DNAJC7: variants seen among roughly 807,000 people sequenced by gnomAD.
DNAJC7 encodes DnaJ heat shock protein family (Hsp40) member C7, also known as dnaJ homolog subfamily C member 7.
In DNAJC7, 18 loss-of-function variants were observed where a neutral mutation model predicts 67.4. The ratio of observed to expected loss-of-function variants is 0.27; its 90% CI spans 0.18 to 0.40. The LOEUF (loss-of-function observed/expected upper bound fraction) is 0.40. Among genes scored for constraint, DNAJC7 ranks in the 10% least tolerant of loss-of-function variants. The probability of loss-of-function intolerance (pLI) is 1.00; values close to 1 mark genes in which losing one functional copy is unlikely to be tolerated. For synonymous variants in DNAJC7, 220 were observed against 207.8 expected, an observed-to-expected ratio of 1.06 and a Z score of -0.50; for missense variants, 419 against 613.8, an observed-to-expected ratio of 0.68 and a Z score of 3.35.
chr17:42,000,530 C>A lies in DNAJC7; in HGVS notation c.118G>T (p.Ala40Ser). The change falls in exon 2 of 14, where the codon GCC becomes TCC. Residue 40 changes from alanine to serine, a missense_variant. Around this residue, in one of 4 missense-constraint regions of DNAJC7, gnomAD observed 63 missense variants for 54.0 expected, o/e 1.17. Transcript: ENST00000457167. ...TFKEQGNAYYAKKDYNEAYNY... is the reference protein window; with the variant it reads ...TFKEQGNAYYSKKDYNEAYNY... ...TAAGCTTCATTGTAATCTTTCTTGG[C>A]ATAGTATGCATTTCCTTGTTCCTTG... 8 of 1,612,210 alleles carry A rather than the reference C, an allele frequency of 5.0e-6. No homozygotes were observed. The highest frequency in any genetic ancestry group is 6.8e-6 in the Non-Finnish European group (8 of 1,179,106).
At chr17:41,981,746 C>G in intron 12 of DNAJC7, 109 bp downstream of exon 12, 1 of 1,445,128 alleles carries the variant, frequency 6.9e-7, no homozygotes, top group Non-Finnish European at 9.4e-7. Flanking sequence ...ACTGTTTGGA[C>G]CAGGGATCAG....
chr17:41,976,930 G>A (rs1598109714), intron 13 of DNAJC7, 160 bp from the exon 14 acceptor site: 1 of 827,444 alleles, frequency 1.2e-6, no homozygotes, highest in Non-Finnish European at 1.9e-6. Flanking sequence ...GTGCAAGAGG[G>A]AGCACGTGAC....
At chr17:41,978,423 C>T (rs984837358) in intron 12 of DNAJC7, among the ~76,000 whole-genome samples, 20 of 152,236 alleles carry the variant, frequency 1.3e-4, no homozygotes, top group African/African-American at 4.8e-4. Context: ...CACTAACTAA[C>T]TCCCTGACTG....
chr17:41,978,255 A>C (rs560192629), intron 12 of DNAJC7, among the ~76,000 whole-genome samples: 98 of 152,058 alleles, frequency 6.4e-4, no homozygotes, highest in African/African-American at 2.2e-3. Context: ...ACTGACCCCC[A>C]CCAGGTGATC....
intron 12 of DNAJC7, among the ~76,000 whole-genome samples, chr17:41,981,235 C>A (rs12938194): frequency 0.044 from 6,634 of 152,016 alleles, 506 homozygotes; most frequent in African/African-American, 0.15. Context: ...CTTGCTCTGT[C>A]GCCCAGGATG....
At chr17:42,003,773 A>T (rs2051871009) in intron 1 of DNAJC7, among the ~76,000 whole-genome samples, 1 of 152,062 alleles carries the variant, frequency 6.6e-6, no homozygotes, top group African/African-American at 2.4e-5. Context: ...CAATGCACTA[A>T]ATTAAACTAC....
chr17:42,001,682 A>G (rs1418596936), intron 1 of DNAJC7, among the ~76,000 whole-genome samples: 1 of 152,210 alleles, frequency 6.6e-6, no homozygotes, highest in Non-Finnish European at 1.5e-5. Context: ...AGTTGAGGCA[A>G]AAGTCCTAGT....
intron 12 of DNAJC7, among the ~76,000 whole-genome samples, chr17:41,978,051 G>GT (rs1473506293): frequency 1.3e-5 from 2 of 152,274 alleles, no homozygotes; most frequent in East Asian, 3.9e-4. Context: ...TTTTGTCAGG[G>GT]TAAGTATCAT....
chr17:42,007,453 T>C (rs555305896), intron 1 of DNAJC7, among the ~76,000 whole-genome samples: 1 of 152,244 alleles, frequency 6.6e-6, no homozygotes, highest in East Asian at 1.9e-4. Context: ...CAAAATAAAG[T>C]AAAAGGAGCC....
chr17:42,000,282 C>T (rs2051773759), intron 2 of DNAJC7, among the ~76,000 whole-genome samples, 200 bp downstream of exon 2: 1 of 150,826 alleles, frequency 6.6e-6, no homozygotes, highest in Non-Finnish European at 1.5e-5. Flanking sequence ...CCAGGCCCAG[C>T]TAATTTTTGT....
At chr17:42,002,953 AT>A (rs1272133244) in intron 1 of DNAJC7, among the ~76,000 whole-genome samples, 1 of 152,234 alleles carries the variant, frequency 6.6e-6, no homozygotes, top group Admixed American at 6.5e-5. Flanking sequence ...TCTCTTTAAG[AT>A]GCAAGACCTA....
In DNAJC7 at chr17:41,976,539, C is replaced by T. The variant is rs1170350958; in HGVS notation, c.*194G>A. The T allele has an allele frequency of 1.5e-5, 9 of 616,504 alleles. No homozygotes were observed. The highest frequency in any genetic ancestry group is 2.4e-5 in the Non-Finnish European group (9 of 372,850). The allele number at this position is 616,504 out of a possible 1,614,324, so 38.2% of individuals were successfully genotyped here. A position where few individuals can be genotyped will look rare whatever the true frequency, so the allele number is the denominator to read the frequency against. On this transcript the variant is annotated 3_prime_UTR_variant, in exon 14 of 14. Coordinates refer to ENST00000457167, the MANE Select transcript of DNAJC7 (RefSeq NM_003315.4). The stretch of plus-strand genomic sequence containing the variant: ...TGCCTCCCTGTCCACCCCCGCCTCC[C>T]TCCCCTGCCCTCGGTCTTCGGCATT...
chr17:41,983,546 A>C lies in DNAJC7; in HGVS notation c.1084+17T>G, dbSNP rs200375131. ...AGTCCACACAGTTCCCTAAAAAACA[A>C]ATGCTTTTAAACTTACCTTTTGTTT... On this transcript the variant is annotated intron_variant, in intron 10 of 13. Coordinates refer to ENST00000457167, the MANE Select transcript of DNAJC7 (RefSeq NM_003315.4). 3.2e-6 allele frequency: 5 copies of C among 1,569,466 alleles called. No individual in the cohort carries two copies. The East Asian group carries it at 1.1e-4, about 36-fold the overall frequency.
In DNAJC7 at chr17:41,988,791, G is replaced by A; in HGVS notation, c.859C>T (p.Pro287Ser). 1.2e-6 allele frequency: 2 copies of A among 1,613,014 alleles called. No homozygotes were observed. Among genetic ancestry groups the A allele is most frequent in the Non-Finnish European group, 1.7e-6 (2 of 1,179,536 alleles). Reference sequence around the variant, plus strand: ...TTAGCATTTGTTTTTATATTGTTGGGGTCTATCCCCAGGGCTTCTGTGTAC... The same window carrying A: ...TTAGCATTTGTTTTTATATTGTTGGAGTCTATCCCCAGGGCTTCTGTGTAC... ...ELYTEALGIDPNNIKTNAKLY... is the reference protein window; with the variant it reads ...ELYTEALGIDSNNIKTNAKLY... The change falls in exon 8 of 14, where the codon CCC (proline) becomes TCC (serine). Residue 287 changes from proline (P) to serine (S), a missense_variant. Pro to Ser is a moderately conservative substitution (Grantham distance 74). Coordinates refer to ENST00000457167, the MANE Select transcript of DNAJC7 (RefSeq NM_003315.4).
At position 41,999,525 on chromosome 17, in the gene DNAJC7, T is replaced by C. The variant is rs149919178; in HGVS notation, c.166+957A>G. 2.0e-5 allele frequency among the ~76,000 whole-genome samples: 3 copies of C among 152,208 alleles called. No individual in the cohort carries two copies. In the East Asian group the frequency reaches 5.8e-4, roughly 30 times the overall value. On this transcript the variant is annotated intron_variant, in intron 2 of 13. Transcript: ENST00000457167. ...AGAAGCTACTTTTCTCAATTTTTTT[T>C]AATTTAATTTTTGAGATGGAGTTCT...
At chr17:41,994,740 C>G (rs1337338176) in intron 5 of DNAJC7, 130 bp downstream of exon 5, 16 of 713,272 alleles carry the variant, frequency 2.2e-5, no homozygotes, top group Admixed American at 1.1e-4. Context: ...AAGTCAGAAG[C>G]CTAATTTAAG....
chr17:41,976,907 A>T, intron 13 of DNAJC7, 137 bp from the exon 14 acceptor site: 2 of 1,150,620 alleles, frequency 1.7e-6, no homozygotes, highest in Non-Finnish European at 2.4e-6. Flanking sequence ...CAAACAGCTC[A>T]GGCTGTTTTT....
intron 9 of DNAJC7, chr17:41,985,738 G>A (rs2143147275): frequency 6.6e-6 from 1 of 152,290 alleles, no homozygotes; most frequent in South Asian, 2.1e-4. Context: ...GACTGCAGCA[G>A]TAGTCAGGCC....
intron 1 of DNAJC7, among the ~76,000 whole-genome samples, chr17:42,004,657 G>A (rs1366635374): frequency 6.6e-6 from 1 of 152,226 alleles, no homozygotes; most frequent in Non-Finnish European, 1.5e-5. Context: ...CACACTGGAA[G>A]CCCTGGCCTT....
Sources: allele counts gnomAD v4.1 joint callset (sites outside exome capture counted in the v4.1 genomes callset), GRCh38; gene constraint gnomAD v4.1.1; regional missense constraint gnomAD v4.1.1; transcripts MANE v1.5; gene names NCBI Gene and HGNC (gene_info 2026-07-23, HGNC 2026-07-21).